The following MAML2 variants were observed in gnomAD, a reference collection of about 807,000 sequenced individuals.
MAML2 encodes mastermind like transcriptional coactivator 2.
MAML2 carries 22 observed loss-of-function variants against 96.1 expected under a neutral mutation model. The observed-to-expected ratio is 0.23, with a 90% CI of 0.16 to 0.33. The LOEUF (loss-of-function observed/expected upper bound fraction) is 0.33, where lower values mean the gene tolerates loss of function less well. MAML2 is among the 10% of genes least tolerant of loss of function. MAML2 has a pLI of 1.00. For synonymous variants in MAML2, 561 were observed against 521.3 expected (o/e 1.08, Z -1.04); for missense variants, 1,367 against 1,392.4 (o/e 0.98, Z 0.29).
At chr11:96,066,029 G>T (rs748126875) in intron 2 of MAML2, among the ~76,000 whole-genome samples, 2 of 152,116 alleles carry the variant, frequency 1.3e-5, no homozygotes, top group Non-Finnish European at 2.9e-5. Context: ...CTGAAAACTC[G>T]CTCCAAGAAA....
chr11:96,008,180 C>A (rs1417768210), intron 2 of MAML2, among the ~76,000 whole-genome samples: 2 of 150,398 alleles, frequency 1.3e-5, no homozygotes, highest in Admixed American at 1.3e-4. Context: ...ATTCAACACA[C>A]ACAGATTTAC....
chr11:96,164,943 C>A (rs1296729878), intron 1 of MAML2, among the ~76,000 whole-genome samples: 1 of 152,162 alleles, frequency 6.6e-6, no homozygotes, highest in Non-Finnish European at 1.5e-5. Flanking sequence ...GTGGCCAGAA[C>A]TTTCAAGGGC....
chr11:96,121,804 T>TTTTTTTTTTTTTTTTA (rs1565221362), intron 1 of MAML2, among the ~76,000 whole-genome samples: 1 of 137,252 alleles, frequency 7.3e-6, no homozygotes, highest in African/African-American at 2.7e-5. Flanking sequence ...TTTTTTTTTT[T>TTTTTTTTTTTTTTTTA]GAGACGGAGT....
At chr11:96,121,083 A>AGG (rs57976012) in intron 1 of MAML2, among the ~76,000 whole-genome samples, 38 of 152,122 alleles carry the variant, frequency 2.5e-4, no homozygotes, top group Non-Finnish European at 4.1e-4. Flanking sequence ...AGCCAGAGTC[A>AGG]GGGGGGAGTG....
intron 1 of MAML2, among the ~76,000 whole-genome samples, chr11:96,094,972 G>T (rs1413735942): frequency 6.6e-6 from 1 of 152,070 alleles, no homozygotes; most frequent in Non-Finnish European, 1.5e-5. Context: ...CTTGAATATG[G>T]TTACTTTATT....
chr11:96,262,070 C>T (rs890160508), intron 1 of MAML2, among the ~76,000 whole-genome samples: 1 of 152,182 alleles, frequency 6.6e-6, no homozygotes, highest in Non-Finnish European at 1.5e-5. Flanking sequence ...CCAACATCTA[C>T]TGAACTTGAG....
chr11:96,052,595 C>A (rs1403755956), intron 2 of MAML2, among the ~76,000 whole-genome samples: 2 of 152,164 alleles, frequency 1.3e-5, no homozygotes, highest in Non-Finnish European at 2.9e-5. Context: ...TAATGATAGG[C>A]TGTGGTTCCT....
At chr11:96,115,434 T>C (rs1302233990) in intron 1 of MAML2, among the ~76,000 whole-genome samples, 1 of 151,724 alleles carries the variant, frequency 6.6e-6, no homozygotes, top group Non-Finnish European at 1.5e-5. Context: ...GCTGAAGCAC[T>C]GCGATTACAG....
At chr11:96,191,452 G>A (rs1411953854) in intron 1 of MAML2, among the ~76,000 whole-genome samples, 7 of 137,044 alleles carry the variant, frequency 5.1e-5, no homozygotes, top group African/African-American at 1.9e-4. Flanking sequence ...GCGACAGAGC[G>A]AGAATCCGTC....
chr11:96,274,692 CAT>C (rs1429952936), intron 1 of MAML2, among the ~76,000 whole-genome samples: 2 of 152,026 alleles, frequency 1.3e-5, no homozygotes, highest in African/African-American at 4.8e-5. Context: ...AAAAATAAAA[CAT>C]AAGTTGAAAC....
chr11:96,082,240 A>AG lies in MAML2; in HGVS notation c.2139+9651dup, dbSNP rs1432657425. On this transcript the variant is annotated intron_variant, in intron 2 of 4. Coordinates refer to ENST00000524717, the MANE Select transcript of MAML2 (RefSeq NM_032427.4). ...TGCAAAATGCTTTGTGAGTTCAGAGAGGGGAAAAAGCAATGTCATGGTCCC... is the reference window on the plus strand; with the variant it reads ...TGCAAAATGCTTTGTGAGTTCAGAGAGGGGGAAAAAGCAATGTCATGGTCCC... 5.3e-5 allele frequency among the ~76,000 whole-genome samples: 8 copies of AG among 152,190 alleles called. No homozygotes were observed. The East Asian group carries it at 1.5e-3, about 29-fold the overall frequency.
chr11:96,307,629 A>G (rs564057070), intron 1 of MAML2, among the ~76,000 whole-genome samples: 1 of 152,282 alleles, frequency 6.6e-6, no homozygotes, highest in East Asian at 1.9e-4. Flanking sequence ...GCTTTCTCCA[A>G]GGGAATGATC....
chr11:96,235,912 T>C (rs1862361299), intron 1 of MAML2, among the ~76,000 whole-genome samples: 1 of 152,140 alleles, frequency 6.6e-6, no homozygotes, highest in African/African-American at 2.4e-5. Flanking sequence ...TAAAATCTGT[T>C]TTAGACAAGG....
intron 1 of MAML2, among the ~76,000 whole-genome samples, chr11:96,282,826 T>C (rs1401839589): frequency 1.3e-5 from 2 of 152,204 alleles, no homozygotes; most frequent in Admixed American, 6.5e-5. Flanking sequence ...TCTTCAAAAA[T>C]TGGAATGTGA....
intron 1 of MAML2, among the ~76,000 whole-genome samples, chr11:96,310,517 A>G (rs528929): frequency 0.76 from 116,117 of 152,188 alleles, 44,459 homozygotes; most frequent in East Asian, 0.85. Flanking sequence ...AAAGAAAGAT[A>G]CACATTCTAA....
At chr11:96,247,404 C>T (rs1862525945) in intron 1 of MAML2, among the ~76,000 whole-genome samples, 2 of 151,994 alleles carry the variant, frequency 1.3e-5, no homozygotes, top group Non-Finnish European at 2.9e-5. Context: ...CATCTTATAT[C>T]CCCACCCCAA....
intron 1 of MAML2, among the ~76,000 whole-genome samples, chr11:96,104,286 T>C (rs1329546777): frequency 6.6e-6 from 1 of 152,226 alleles, no homozygotes; most frequent in Non-Finnish European, 1.5e-5. Flanking sequence ...TAAAAAAGAT[T>C]ATTTAAAGCA....
intron 2 of MAML2, among the ~76,000 whole-genome samples, chr11:96,029,749 G>A (rs957734366): frequency 5.9e-5 from 9 of 152,182 alleles, no homozygotes; most frequent in Middle Eastern, 6.8e-3. Context: ...GTTCAGTGGC[G>A]CTTTAAAAAT....
chr11:96,032,002 AAAAT>A (rs1389467750), intron 2 of MAML2, among the ~76,000 whole-genome samples: 1 of 152,050 alleles, frequency 6.6e-6, no homozygotes, highest in Non-Finnish European at 1.5e-5. Context: ...AAAAAAAATA[AAAAT>A]AAATAAAAAA....
Sources: gnomAD v4.1 joint callset for allele counts (sites outside exome capture counted in the v4.1 genomes callset) on GRCh38, gnomAD v4.1.1 for gene constraint, MANE v1.5 for transcripts, NCBI Gene and HGNC (gene_info 2026-07-23, HGNC 2026-07-21) for gene names.